The following CCM2 variants were observed in gnomAD, a reference collection of about 807,000 sequenced individuals.
The protein encoded by CCM2 is cerebral cavernous malformations 2 protein.
A neutral mutation model predicts 44.9 loss-of-function variants in CCM2; 25 were observed. That is an observed-to-expected ratio of 0.56 (90% CI 0.41 to 0.78). The LOEUF (loss-of-function observed/expected upper bound fraction) is 0.78. Among genes scored for constraint, CCM2 ranks in the 30% least tolerant of loss-of-function variants. CCM2 has a pLI of 0.00. For synonymous variants in CCM2, 219 were observed against 241.1 expected (o/e 0.91, Z 0.85); for missense variants, 481 against 580.6 (o/e 0.83, Z 1.76).
At chr7:45,004,866 G>A (rs954412575) in intron 1 of CCM2, among the ~76,000 whole-genome samples, 2 of 151,964 alleles carry the variant, frequency 1.3e-5, no homozygotes, top group Non-Finnish European at 2.9e-5. Flanking sequence ...GCGTGGTGGT[G>A]GGGCCTGTAA....
At chr7:45,004,248 T>C (rs1454169822) in intron 1 of CCM2, among the ~76,000 whole-genome samples, 1 of 152,208 alleles carries the variant, frequency 6.6e-6, no homozygotes, top group African/African-American at 2.4e-5. Context: ...TAAGGAATTA[T>C]TAATTTTGTT....
chr7:45,043,261 A>T (rs1441783909), intron 2 of CCM2, among the ~76,000 whole-genome samples: 2 of 152,088 alleles, frequency 1.3e-5, no homozygotes, highest in Non-Finnish European at 2.9e-5. Flanking sequence ...GAACCACTGC[A>T]CTTGGAATAT....
chr7:45,046,284 T>G (rs1159462580), intron 2 of CCM2, among the ~76,000 whole-genome samples: 1 of 152,146 alleles, frequency 6.6e-6, no homozygotes, highest in Non-Finnish European at 1.5e-5. Context: ...GCAAAATAAG[T>G]AGAATAGCTA....
intron 2 of CCM2, among the ~76,000 whole-genome samples, chr7:45,050,013 C>T (rs1049707293): frequency 6.6e-6 from 1 of 152,174 alleles, no homozygotes; most frequent in Non-Finnish European, 1.5e-5. Flanking sequence ...TATTGGTCAA[C>T]GACAGACCAC....
intron 1 of CCM2, among the ~76,000 whole-genome samples, chr7:45,036,698 CA>C (rs1797233675): frequency 6.6e-6 from 1 of 152,164 alleles, no homozygotes; most frequent in South Asian, 2.1e-4. Flanking sequence ...TATAGGACCA[CA>C]GGTTCTGCTA....
intron 1 of CCM2, among the ~76,000 whole-genome samples, chr7:45,019,227 G>A (rs1796386926): frequency 6.6e-6 from 1 of 151,728 alleles, no homozygotes. Flanking sequence ...ATGCACCACT[G>A]TGCCCGGCTA....
At chr7:45,001,175 G>T (rs1266181007) in intron 1 of CCM2, among the ~76,000 whole-genome samples, 1 of 152,172 alleles carries the variant, frequency 6.6e-6, no homozygotes, top group Non-Finnish European at 1.5e-5. Context: ...ACTCTGCAGG[G>T]AAGTGTCCTT....
intron 2 of CCM2, among the ~76,000 whole-genome samples, chr7:45,045,819 C>CA (rs1228152150): frequency 6.6e-6 from 1 of 151,970 alleles, no homozygotes; most frequent in Non-Finnish European, 1.5e-5. Context: ...AAAACAAACT[C>CA]AGACAAACAA....
intron 2 of CCM2, among the ~76,000 whole-genome samples, chr7:45,051,150 C>T (rs1797982686): frequency 6.6e-6 from 1 of 152,162 alleles, no homozygotes; most frequent in African/African-American, 2.4e-5. Context: ...TATCCAGACT[C>T]AGCTTCTCCA....
intron 4 of CCM2, among the ~76,000 whole-genome samples, chr7:45,067,409 C>T (rs552574947): frequency 5.3e-5 from 8 of 152,204 alleles, no homozygotes; most frequent in Admixed American, 2.6e-4. Context: ...GTGATCCACC[C>T]GCCTTGGCCT....
At chr7:45,056,075 C>A (rs529414988) in intron 2 of CCM2, among the ~76,000 whole-genome samples, 2 of 127,794 alleles carry the variant, frequency 1.6e-5, no homozygotes, top group African/African-American at 5.9e-5. Context: ...TTGGTTTATT[C>A]ATTTATCTGT....
intron 1 of CCM2, among the ~76,000 whole-genome samples, chr7:45,028,747 C>A (rs1349902053): frequency 6.6e-6 from 1 of 151,686 alleles, no homozygotes; most frequent in Admixed American, 6.6e-5. Context: ...TCTCCAGCAC[C>A]GAGGAAAGGT....
intron 1 of CCM2, among the ~76,000 whole-genome samples, chr7:45,010,219 C>T (rs796067815): frequency 7.2e-5 from 11 of 152,260 alleles, no homozygotes; most frequent in African/African-American, 2.6e-4. Context: ...CCAAATAATA[C>T]ACATCTTCAG....
chr7:45,009,746 C>T (rs780706669), intron 1 of CCM2, among the ~76,000 whole-genome samples: 45 of 152,144 alleles, frequency 3.0e-4, no homozygotes, highest in African/African-American at 1.0e-3. Context: ...TTGTTTATCA[C>T]TGTACCTGCC....
At chr7:45,075,059 G>A (rs1036456530) in intron 9 of CCM2, among the ~76,000 whole-genome samples, 2 of 152,212 alleles carry the variant, frequency 1.3e-5, no homozygotes, top group African/African-American at 4.8e-5. Flanking sequence ...GTTAACCATC[G>A]TACCGACCTG....
At chr7:45,039,343 C>T (rs950142272) in intron 2 of CCM2, among the ~76,000 whole-genome samples, 5 of 152,220 alleles carry the variant, frequency 3.3e-5, no homozygotes, top group African/African-American at 1.2e-4. Flanking sequence ...TGCCTGCAAC[C>T]AGGCCTTTCC....
chr7:45,053,468 G>A (rs1866582), intron 2 of CCM2, among the ~76,000 whole-genome samples: 3 of 152,062 alleles, frequency 2.0e-5, no homozygotes, highest in East Asian at 1.9e-4. Flanking sequence ...TCTTGGCTTC[G>A]TATCTGTCCT....
At position 45,000,298 on chromosome 7, in the gene CCM2, CG is replaced by C; in HGVS notation, c.-33del. On this transcript the variant is annotated 5_prime_UTR_variant, in exon 1 of 10. Transcript: ENST00000258781. ...GCTGCTGGCGGCGGGGCTCCCGGGG[CG>C]GGCCGGGCGGGCCGCGGGAGCCGCA... 8.5e-7 allele frequency: 1 copy of C among 1,174,988 alleles called. No individual in the cohort carries two copies. The highest frequency in any genetic ancestry group is 4.1e-5 in the South Asian group (1 of 24,230). The allele number at this position is 1,174,988 out of a possible 1,614,324, so 72.8% of individuals were successfully genotyped here.
chr7:45,047,462 AG>A (rs1398875108), intron 2 of CCM2, among the ~76,000 whole-genome samples: 1 of 152,182 alleles, frequency 6.6e-6, no homozygotes, highest in African/African-American at 2.4e-5. Context: ...GCTTGAGCCC[AG>A]GAAGTCCAGG....
Sources: allele counts gnomAD v4.1 joint callset (sites outside exome capture counted in the v4.1 genomes callset), GRCh38; gene constraint gnomAD v4.1.1; transcripts MANE v1.5; gene names NCBI Gene and HGNC (gene_info 2026-07-23, HGNC 2026-07-21).